The following DIABLO variants were observed in gnomAD, a reference collection of about 807,000 sequenced individuals.
The protein encoded by DIABLO is diablo homolog, mitochondrial.
Under a neutral mutation model 31.7 loss-of-function variants are expected in DIABLO, and 32 were observed. The ratio of observed to expected loss-of-function variants is 1.01; its 90% CI spans 0.76 to 1.35. DIABLO has a LOEUF of 1.35. Ranked by LOEUF, DIABLO falls within the 40% of genes most tolerant of loss-of-function variation. DIABLO has a pLI of 0.00. For synonymous variants in DIABLO, 132 were observed against 103.2 expected, an observed-to-expected ratio of 1.28 and a Z score of -1.69; for missense variants, 316 against 286.4, an observed-to-expected ratio of 1.10 and a Z score of -0.75.
Position 122,224,597 on chromosome 12 carries a change from C to G in DIABLO, c.98G>C (p.Arg33Pro), listed in dbSNP as rs758602603. The G allele has an allele frequency of 6.2e-7, 1 of 1,613,956 alleles. No homozygotes were observed. Among genetic ancestry groups the G allele is most frequent in the African/African-American group, 1.3e-5 (1 of 74,864 alleles). ...TGGTCTTATCAATTCTGAGAAACAC[C>G]GCTTCTTAAAGTTAGCCACAACAGG... Reference protein sequence around the residue: ...CVPVVANFKKRCFSELIRPWH... With the variant: ...CVPVVANFKKPCFSELIRPWH... The change falls in exon 2 of 6, where the codon CGG (arginine) becomes CCG (proline). Residue 33 changes from arginine to proline, a missense_variant. Arg to Pro is a moderately radical substitution (Grantham distance 103). Coordinates refer to ENST00000464942, the MANE Select transcript of DIABLO (RefSeq NM_001371333.1).
chr12:122,225,936 C>G, intron 1 of DIABLO, 29 bp downstream of exon 1: 1 of 1,575,794 alleles, frequency 6.3e-7, no homozygotes, highest in East Asian at 2.3e-5. Context: ...CCCTCTGGTC[C>G]TGTCCCCTCT....
At chr12:122,219,421 T>C (rs1954286710) in intron 2 of DIABLO, among the ~76,000 whole-genome samples, 1 of 151,762 alleles carries the variant, frequency 6.6e-6, no homozygotes, top group African/African-American at 2.4e-5. Flanking sequence ...ACTAGAAAAA[T>C]GAACACAATC....
Position 122,216,493 on chromosome 12 carries a change from T to C in DIABLO, c.518A>G (p.Gln173Arg), listed in dbSNP as rs1056690931. 3.1e-6 allele frequency: 5 copies of C among 1,613,822 alleles called. No homozygotes were observed. Among genetic ancestry groups the C allele is most frequent in the South Asian group, 2.2e-5 (2 of 91,050 alleles). Residue 173 changes from glutamine (Q) to arginine (R), a missense_variant, in exon 5 of 6, where the codon CAA (glutamine) becomes CGA (arginine). Coordinates refer to ENST00000464942, the MANE Select transcript of DIABLO (RefSeq NM_001371333.1). ...AACACAAAACTTGAACCTACCAGTT[T>C]GATATGCAGCTTCTGCTGCCATCTC... is the stretch of plus-strand genomic sequence containing the variant. ...LSEMAAEAAY[Q>R]TGADQASITA...
upstream of DIABLO, chr12:122,226,329 G>A (rs1293754365): frequency 3.0e-6 from 2 of 669,722 alleles, no homozygotes; most frequent in Admixed American, 4.3e-5. Flanking sequence ...GACTCAGTTC[G>A]GGCCAGGGCT....
At chr12:122,225,690 G>C in intron 1 of DIABLO, 1 of 1,397,312 alleles carries the variant, frequency 7.2e-7, no homozygotes, top group Non-Finnish European at 9.3e-7. Context: ...GCTGACGAGG[G>C]CTGGTCAGGA....
At chr12:122,227,382 C>T (rs761482650), upstream of DIABLO, 25 of 454,106 alleles carry the variant, frequency 5.5e-5, 1 homozygote, top group South Asian at 3.9e-4. Context: ...GAATCTTCCA[C>T]CCTGAAGCTC....
At position 122,225,971 on chromosome 12, in the gene DIABLO, A is replaced by G; in HGVS notation, c.44T>C (p.Phe15Ser). Residue 15 changes from phenylalanine (F) to serine (S), a missense_variant, in exon 1 of 6, where the codon TTC becomes TCC. By Grantham distance (155) the Phe-to-Ser change is radical. Transcript: ENST00000464942. ...KSWLSRSVTS[F>S]FRYRQCLCVP... The stretch of plus-strand genomic sequence containing the variant: ...TACGCGGCCGCAGCGGTACCTGAAG[A>G]ATGAAGTTACGCTGCGCGACAGCCA... 16 of 1,598,724 alleles carry G rather than the reference A, an allele frequency of 1.0e-5. No homozygotes were observed. The highest frequency in any genetic ancestry group is 1.4e-5 in the Non-Finnish European group (16 of 1,173,374).
rs374298285 is a variant in DIABLO, at chr12:122,223,767, CT to C, written c.183+744del. On this transcript the variant is annotated intron_variant, in intron 2 of 5. Coordinates refer to ENST00000464942, the MANE Select transcript of DIABLO (RefSeq NM_001371333.1). ...TTGACCACCTTTATCTAAAACAAAA[CT>C]CCCTCCCAGAATTGCCTATTCACTT... Among the ~76,000 whole-genome samples the C allele has an allele frequency of 5.3e-5, 8 of 152,288 alleles. 1 individual carries two copies. The South Asian group carries it at 1.4e-3, about 28-fold the overall frequency.
At chr12:122,220,214 G>A (rs945723840) in intron 2 of DIABLO, among the ~76,000 whole-genome samples, 5 of 151,984 alleles carry the variant, frequency 3.3e-5, no homozygotes, top group East Asian at 2.0e-4. Flanking sequence ...CCAAAGTGCT[G>A]GGATTACAGG....
intron 5 of DIABLO, among the ~76,000 whole-genome samples, chr12:122,212,888 G>A (rs1211149085): frequency 1.3e-5 from 2 of 151,678 alleles, no homozygotes; most frequent in African/African-American, 4.9e-5. Context: ...GCCTCCTAAA[G>A]TGCTGGGATT....
chr12:122,209,904 T>G, intron 5 of DIABLO: 1 of 665,008 alleles, frequency 1.5e-6, no homozygotes, highest in Non-Finnish European at 2.7e-6. Flanking sequence ...CTTTATTACA[T>G]TAAGAAAATT....
At chr12:122,222,274 A>G (rs1040320791) in intron 2 of DIABLO, 3 of 152,206 alleles carry the variant, frequency 2.0e-5, no homozygotes, top group African/African-American at 7.2e-5. Flanking sequence ...ACTAAATGGC[A>G]TCGCCATTCA....
At chr12:122,224,669 A>G (rs1954409808) in intron 1 of DIABLO, 25 bp from the exon 2 acceptor site, 4 of 1,614,156 alleles carry the variant, frequency 2.5e-6, no homozygotes, top group Non-Finnish European at 3.4e-6. Flanking sequence ...CAGATTTCAT[A>G]AGGCACGACC....
chr12:122,207,969 C>G lies in DIABLO; in HGVS notation c.*412G>C, dbSNP rs896586254. ...ACAGGTTCCCCTCCCCCTGCCACAA[C>G]TGGCATCCCAACAGAGGGAACAAGT... On this transcript the variant is annotated 3_prime_UTR_variant, in exon 6 of 6. Transcript: ENST00000464942. 2.1e-6 allele frequency: 1 copy of G among 467,918 alleles called. No individual in the cohort carries two copies. Among genetic ancestry groups the G allele is most frequent in the African/African-American group, 2.0e-5 (1 of 50,584 alleles). The allele number at this position is 467,918 out of a possible 1,614,324, so 29.0% of individuals were successfully genotyped here.
chr12:122,221,081 T>C (rs760772875), intron 2 of DIABLO: 1 of 152,208 alleles, frequency 6.6e-6, no homozygotes, highest in Admixed American at 6.5e-5. Flanking sequence ...TCAAAGTCTG[T>C]ACCCTTCCCA....
chr12:122,216,624 G>A (rs1954218058), intron 4 of DIABLO, 40 bp from the exon 5 acceptor site: 1 of 1,594,276 alleles, frequency 6.3e-7, no homozygotes, highest in Non-Finnish European at 8.6e-7. Context: ...AGCATAAGAG[G>A]TCTAGCCCAT....
chr12:122,218,079 C>T (rs1954254192), intron 3 of DIABLO, among the ~76,000 whole-genome samples, 187 bp downstream of exon 3: 1 of 151,884 alleles, frequency 6.6e-6, no homozygotes, highest in South Asian at 2.1e-4. Context: ...ATATTTTGGG[C>T]TTTGTGGGCC....
chr12:122,208,816 A>C (rs1055561797), intron 5 of DIABLO: 4 of 620,188 alleles, frequency 6.4e-6, no homozygotes, highest in African/African-American at 5.4e-5. Flanking sequence ...CATCACAATT[A>C]TTAAATGCAA....
intron 5 of DIABLO, 34 bp downstream of exon 5, chr12:122,216,447 AAAAAATT>A: frequency 6.5e-7 from 1 of 1,543,760 alleles, no homozygotes; most frequent in African/African-American, 1.4e-5. Flanking sequence ...CTTCCTAGTT[AAAAAATT>A]AAAAAAAAAA....
Sources: allele counts gnomAD v4.1 joint callset (sites outside exome capture counted in the v4.1 genomes callset), GRCh38; gene constraint gnomAD v4.1.1; transcripts MANE v1.5; gene names NCBI Gene and HGNC (gene_info 2026-07-23, HGNC 2026-07-21).